The following UPP1 variants were observed in gnomAD, a reference collection of about 807,000 sequenced individuals.
The protein encoded by UPP1 is UPase 1.
UPP1 carries 25 observed loss-of-function variants against 29.6 expected under a neutral mutation model. The ratio of observed to expected loss-of-function variants is 0.85; its 90% CI spans 0.62 to 1.18. The LOEUF is 1.18. Ranked by LOEUF, UPP1 falls within the 50% of genes most tolerant of loss-of-function variation. The pLI is 0.00. For missense variants in UPP1, 368 were observed against 410.4 expected, an observed-to-expected ratio of 0.90 and a Z score of 0.89; for synonymous variants, 165 against 159.8, an observed-to-expected ratio of 1.03 and a Z score of -0.25.
Position 48,094,834 on chromosome 7 carries a change from C to G in UPP1, c.44+7C>G. 1 of 1,613,782 alleles carries G rather than the reference C, an allele frequency of 6.2e-7. No individual in the cohort carries two copies. Reference sequence around the variant, plus strand: ...AGAAAGCTGAAAGTCACAAGTAAGGCTCCATTTCATTCCAGGTTGGGTTGG... The same window carrying G: ...AGAAAGCTGAAAGTCACAAGTAAGGGTCCATTTCATTCCAGGTTGGGTTGG... On this transcript the variant is annotated splice_region_variant and intron_variant, in intron 3 of 8. Transcript: ENST00000395564.
Position 48,106,192 on chromosome 7 carries a change from G to A in UPP1, c.437-681G>A, listed in dbSNP as rs549915044. On this transcript the variant is annotated intron_variant, in intron 6 of 8. Transcript: ENST00000395564. Reference sequence around the variant, plus strand: ...AAATATTAACAAGGTATGAAACAGGGATCAATGAAACACATCATGGTATAT... The same window carrying A: ...AAATATTAACAAGGTATGAAACAGGAATCAATGAAACACATCATGGTATAT... The A allele has an allele frequency of 2.6e-5, 4 of 153,100 alleles. No individual in the cohort carries two copies. In the South Asian group the frequency reaches 6.2e-4, roughly 24 times the overall value. 9.5% of individuals were successfully genotyped at this position (153,100 alleles called of 1,614,324 possible). A position where few individuals can be genotyped will look rare whatever the true frequency, so the allele number is the denominator to read the frequency against.
intron 3 of UPP1, among the ~76,000 whole-genome samples, chr7:48,096,285 A>G (rs1330786657): frequency 7.8e-6 from 1 of 128,728 alleles, no homozygotes; most frequent in Non-Finnish European, 1.7e-5. Flanking sequence ...GCTCAGGAGT[A>G]CAGCCTCTTA....
Position 48,095,009 on chromosome 7 carries a change from T to C in UPP1, c.44+182T>C, listed in dbSNP as rs542437568. 1.1e-4 allele frequency among the ~76,000 whole-genome samples: 17 copies of C among 152,348 alleles called. No individual in the cohort carries two copies. The South Asian group carries it at 3.3e-3, about 30-fold the overall frequency. On this transcript the variant is annotated intron_variant, in intron 3 of 8. Coordinates refer to ENST00000395564, the MANE Select transcript of UPP1 (RefSeq NM_003364.4). The stretch of plus-strand genomic sequence containing the variant: ...TTCGTACATTAGATGGTTAAAGACC[T>C]CCGGGGTCGGGTGCTGGGGCCTCAG...
chr7:48,106,126 C>G (rs923625653), intron 6 of UPP1: 2 of 152,546 alleles, frequency 1.3e-5, no homozygotes, highest in Admixed American at 6.5e-5. Context: ...TTCTAGTCTG[C>G]CTTTTGCTGG....
At chr7:48,106,713 C>T in intron 6 of UPP1, 160 bp from the exon 7 acceptor site, 1 of 638,260 alleles carries the variant, frequency 1.6e-6, no homozygotes, top group Non-Finnish European at 2.7e-6. Context: ...AAAAATGGGT[C>T]ACTGTGTATT....
chr7:48,096,996 A>G (rs1263558200), intron 3 of UPP1, among the ~76,000 whole-genome samples: 4 of 152,070 alleles, frequency 2.6e-5, no homozygotes, highest in Non-Finnish European at 4.4e-5. Flanking sequence ...CACCGCGCCC[A>G]GACAGTTTTC....
At position 48,099,782 on chromosome 7, in the gene UPP1, G is replaced by A; in HGVS notation, c.157G>A (p.Val53Met). The A allele has an allele frequency of 6.2e-7, 1 of 1,606,924 alleles. No homozygotes were observed. Among genetic ancestry groups the A allele is most frequent in the Non-Finnish European group, 8.5e-7 (1 of 1,173,436 alleles). The change falls in exon 4 of 9, where the codon GTG becomes ATG. Residue 53 changes from valine (V) to methionine (M), a missense_variant. By Grantham distance (21) the Val-to-Met change is conservative. Transcript: ENST00000395564. ...CAATTTCCCAGCCTTGTTTGGAGAT[G>A]TGAAGGTAAGAGGCCAGGTGTTGAC... ...RHNFPALFGD[V>M]KFVCVGGSPS...
rs2230762 is a variant in UPP1 at position 48,108,271 on chromosome 7, A to G, written c.847A>G (p.Ser283Gly). 292 of 1,614,054 alleles carry G rather than the reference A, an allele frequency of 1.8e-4. No homozygotes were observed. Among genetic ancestry groups the G allele is most frequent in the Middle Eastern group, 6.7e-4 (4 of 5,954 alleles). Residue 283 changes from serine (S) to glycine (G), a missense_variant, in exon 9 of 9, where the codon AGC (serine) becomes GGC (glycine). Transcript: ENST00000395564. ...CCGCCTGGAAGGGGACCAGATCAGCAGCCCTCGCAATGTGCTCAGCGAGTA... is the reference window on the plus strand; with the variant it reads ...CCGCCTGGAAGGGGACCAGATCAGCGGCCCTCGCAATGTGCTCAGCGAGTA... ...LNRLEGDQIS[S>G]PRNVLSEYQQ...
intron 3 of UPP1, among the ~76,000 whole-genome samples, chr7:48,095,528 GTGACAGC>G (rs143179503): frequency 0.025 from 3,868 of 152,114 alleles, 164 homozygotes; most frequent in African/African-American, 0.088. Context: ...AGTCTCACAT[GTGACAGC>G]TGCATACCCA....
At chr7:48,103,218 T>A (rs145376969) in intron 5 of UPP1, 79 bp from the exon 6 acceptor site, 2 of 1,054,316 alleles carry the variant, frequency 1.9e-6, no homozygotes, top group Non-Finnish European at 3.0e-6. Context: ...TAGATTGAAT[T>A]ACATCACATG....
At position 48,094,778 on chromosome 7, in the gene UPP1, G is replaced by A. The variant is rs1583857080; in HGVS notation, c.-6G>A. The stretch of plus-strand genomic sequence containing the variant: ...TTTTCCTTAGGGTCCTGCCTCAGTT[G>A]GCGGAATGGCGGCCACGGGAGCCAA... On this transcript the variant is annotated 5_prime_UTR_variant, in exon 3 of 9. Coordinates refer to ENST00000395564, the MANE Select transcript of UPP1 (RefSeq NM_003364.4). 1 of 1,614,122 alleles carries A rather than the reference G, an allele frequency of 6.2e-7. No homozygotes were observed.
At chr7:48,108,176 A>G (rs1366066088) in intron 8 of UPP1, 42 bp from the exon 9 acceptor site, 3 of 1,583,662 alleles carry the variant, frequency 1.9e-6, no homozygotes, top group Non-Finnish European at 2.6e-6. Flanking sequence ...GAAATGTTAG[A>G]CCCCCGGCAC....
chr7:48,103,920 T>A, intron 6 of UPP1: 1 of 1,273,422 alleles, frequency 7.9e-7, no homozygotes, highest in Non-Finnish European at 1.0e-6. Flanking sequence ...TTTTTTTGTT[T>A]AAAAAACAAA....
rs766474672 is a variant in UPP1 at position 48,103,826 on chromosome 7, G to C, written c.436+415G>C. ...GAGAAAAGACACAGGAAAATCAAAG[G>C]GGGGAAGAGAGAGGCGCAGTACAAA... On this transcript the variant is annotated intron_variant, in intron 6 of 8. Transcript: ENST00000395564. The C allele has an allele frequency of 1.2e-5, 15 of 1,290,136 alleles. No individual in the cohort carries two copies. In the South Asian group the frequency reaches 1.4e-4, roughly 12 times the overall value. 79.9% of individuals were successfully genotyped at this position (1,290,136 alleles called of 1,614,324 possible).
At chr7:48,095,012 G>A (rs915569192) in intron 3 of UPP1, among the ~76,000 whole-genome samples, 185 bp downstream of exon 3, 11 of 152,186 alleles carry the variant, frequency 7.2e-5, no homozygotes, top group African/African-American at 2.4e-4. Context: ...AAAGACCTCC[G>A]GGGTCGGGTG....
chr7:48,106,542 C>T (rs1203307868), intron 6 of UPP1: 2 of 288,488 alleles, frequency 6.9e-6, no homozygotes, highest in Non-Finnish European at 1.4e-5. Flanking sequence ...AACTCCTGAC[C>T]TCAGGTGATC....
chr7:48,108,062 G>A (rs976995535), intron 8 of UPP1, among the ~76,000 whole-genome samples, 156 bp from the exon 9 acceptor site: 7 of 152,156 alleles, frequency 4.6e-5, no homozygotes, highest in African/African-American at 1.7e-4. Flanking sequence ...TTTCCCTCCC[G>A]CACTCCATCC....
chr7:48,099,575 A>G, intron 3 of UPP1, 95 bp from the exon 4 acceptor site: 4 of 842,204 alleles, frequency 4.7e-6, no homozygotes, highest in Non-Finnish European at 7.8e-6. Context: ...TTCTCCCACC[A>G]TGAGCCTCGT....
intron 2 of UPP1, among the ~76,000 whole-genome samples, 177 bp from the exon 3 acceptor site, chr7:48,094,584 AAC>A (rs1162153396): frequency 6.6e-6 from 1 of 152,162 alleles, no homozygotes; most frequent in Admixed American, 6.5e-5. Context: ...CAATGCTATA[AAC>A]ACACATACAC....
Sources: allele counts gnomAD v4.1 joint callset (sites outside exome capture counted in the v4.1 genomes callset), GRCh38; gene constraint gnomAD v4.1.1; transcripts MANE v1.5; gene names NCBI Gene and HGNC (gene_info 2026-07-23, HGNC 2026-07-21).